The following CPNE4 variants were observed in gnomAD, a reference collection of about 807,000 sequenced individuals.
The protein encoded by CPNE4 is copine-4.
Under a neutral mutation model 67.9 loss-of-function variants are expected in CPNE4, and 25 were observed. The ratio of observed to expected loss-of-function variants is 0.37; its 90% confidence interval spans 0.27 to 0.51. The LOEUF is 0.51. CPNE4 is among the 20% of genes least tolerant of loss of function. The pLI is 0.93. For missense variants in CPNE4, 464 were observed against 690.8 expected (o/e 0.67, Z 3.68); for synonymous variants, 242 against 244.9 (o/e 0.99, Z 0.11).
At chr3:131,659,665 G>A (rs138613866) in intron 7 of CPNE4, among the ~76,000 whole-genome samples, 32 of 152,270 alleles carry the variant, frequency 2.1e-4, no homozygotes, top group Non-Finnish European at 2.5e-4. Flanking sequence ...CAATAAAACA[G>A]TTTGGCCAGG....
intron 2 of CPNE4, among the ~76,000 whole-genome samples, chr3:131,810,447 G>A (rs1017247276): frequency 6.6e-6 from 1 of 151,854 alleles, no homozygotes; most frequent in Non-Finnish European, 1.5e-5. Context: ...ATATAAACAT[G>A]AGGGAAACGC....
At chr3:131,947,333 AG>A (rs1040587837) in intron 1 of CPNE4, among the ~76,000 whole-genome samples, 52 of 152,234 alleles carry the variant, frequency 3.4e-4, no homozygotes, top group African/African-American at 1.2e-3. Flanking sequence ...CCCATCATTT[AG>A]GTTTTAAACC....
chr3:131,736,108 A>G (rs2107769476), intron 2 of CPNE4, among the ~76,000 whole-genome samples: 1 of 152,308 alleles, frequency 6.6e-6, no homozygotes, highest in African/African-American at 2.4e-5. Context: ...AGCTTTGTTC[A>G]GGCATGAGTC....
chr3:131,700,961 G>A (rs940135927), intron 3 of CPNE4, among the ~76,000 whole-genome samples: 2 of 151,852 alleles, frequency 1.3e-5, no homozygotes, highest in Non-Finnish European at 2.9e-5. Flanking sequence ...GGATGAAGCT[G>A]GAAACCATGA....
At chr3:131,681,003 C>G (rs2080738016) in intron 6 of CPNE4, among the ~76,000 whole-genome samples, 1 of 152,130 alleles carries the variant, frequency 6.6e-6, no homozygotes, top group African/African-American at 2.4e-5. Flanking sequence ...TAATTCATTC[C>G]TTTTTATGGC....
chr3:131,587,139 A>G (rs1417717341), intron 8 of CPNE4, among the ~76,000 whole-genome samples: 3 of 152,194 alleles, frequency 2.0e-5, no homozygotes, highest in Non-Finnish European at 4.4e-5. Context: ...TGAGGTAGGT[A>G]CAATTATCAC....
At chr3:132,030,512 C>A (rs950013820) in intron 1 of CPNE4, among the ~76,000 whole-genome samples, 2 of 152,204 alleles carry the variant, frequency 1.3e-5, no homozygotes, top group African/African-American at 4.8e-5. Context: ...ATGGGCTCCC[C>A]TTCCAGCCCT....
At chr3:131,860,456 G>C (rs931658965) in intron 2 of CPNE4, among the ~76,000 whole-genome samples, 5 of 152,162 alleles carry the variant, frequency 3.3e-5, no homozygotes, top group African/African-American at 1.2e-4. Flanking sequence ...AAATAGTTGA[G>C]ACAATGTCTA....
chr3:131,733,696 G>A (rs955015209), intron 2 of CPNE4, among the ~76,000 whole-genome samples: 6 of 152,244 alleles, frequency 3.9e-5, no homozygotes, highest in Admixed American at 6.5e-5. Flanking sequence ...TCAGTTTATA[G>A]AAGCTAGGAG....
Position 132,005,332 on chromosome 3 carries a change from TATATATATATACACACACAC to T in CPNE4, c.-2+29215_-2+29234del, listed in dbSNP as rs1415064816. On this transcript the variant is annotated intron_variant, in intron 1 of 15. Coordinates refer to ENST00000429747, the MANE Select transcript of CPNE4 (RefSeq NM_130808.3). ...ATTTTTACATATATATATATATATA[TATATATATATACACACACAC>T]ACACACACACACACACACACATATA... 1.1e-3 allele frequency among the ~76,000 whole-genome samples: 26 copies of T among 24,080 alleles called. 1 individual carries two copies. Among genetic ancestry groups the T allele is most frequent in the African/African-American group, 4.0e-3 (25 of 6,208 alleles). The allele number at this position is 24,080 out of a possible 152,430, so 15.8% of individuals were successfully genotyped here. A position where few individuals can be genotyped will look rare whatever the true frequency, so the allele number is the denominator to read the frequency against.
At chr3:131,989,935 C>G (rs975616947) in intron 1 of CPNE4, among the ~76,000 whole-genome samples, 2 of 135,700 alleles carry the variant, frequency 1.5e-5, no homozygotes, top group Non-Finnish European at 3.3e-5. Flanking sequence ...CGCATGGGCT[C>G]TGGGAAGCCA....
chr3:131,784,500 A>G (rs1043497793), intron 2 of CPNE4, among the ~76,000 whole-genome samples: 3 of 152,086 alleles, frequency 2.0e-5, no homozygotes, highest in African/African-American at 7.2e-5. Context: ...TGTAGGAGGC[A>G]GCCTGCAAGT....
intron 2 of CPNE4, among the ~76,000 whole-genome samples, chr3:131,900,058 G>A (rs976841365): frequency 6.6e-5 from 10 of 152,042 alleles, no homozygotes; most frequent in African/African-American, 2.4e-4. Context: ...GGTAGGTGGA[G>A]TGGGGAGGGG....
intron 2 of CPNE4, among the ~76,000 whole-genome samples, chr3:131,794,319 C>A (rs1334882671): frequency 1.3e-5 from 2 of 151,614 alleles, no homozygotes; most frequent in Non-Finnish European, 2.9e-5. Flanking sequence ...CTCACTGCAA[C>A]CTGCAACCTC....
rs146134505 is a variant in CPNE4 at position 131,671,502 on chromosome 3, C to T, written c.592-1738G>A. On this transcript the variant is annotated intron_variant, in intron 6 of 15. Transcript: ENST00000429747. Reference sequence around the variant, plus strand: ...GTGTGTGTGTGTACGTGCAGGCTACCCACAAGTGAGCAGTTTTGCCTGGTA... The same window carrying T: ...GTGTGTGTGTGTACGTGCAGGCTACTCACAAGTGAGCAGTTTTGCCTGGTA... Among the ~76,000 whole-genome samples, 1,069 of 150,132 alleles carry T rather than the reference C, an allele frequency of 7.1e-3. 3 individuals are homozygous for T. Among genetic ancestry groups the T allele is most frequent in the Non-Finnish European group, 8.8e-3 (597 of 67,632 alleles).
chr3:131,873,480 G>A (rs942273635), intron 2 of CPNE4, among the ~76,000 whole-genome samples: 1 of 152,142 alleles, frequency 6.6e-6, no homozygotes, highest in Non-Finnish European at 1.5e-5. Flanking sequence ...TTGAGATCAA[G>A]CTCTACCCCA....
chr3:131,723,432 G>A lies in CPNE4; in HGVS notation c.360+14C>T. On this transcript the variant is annotated intron_variant, in intron 3 of 15. Transcript: ENST00000429747. Reference sequence around the variant, plus strand: ...AGGATGGCAAGGAGGAGGAAGGGATGTCTGTTGACCCACCTGGCCAAGTGT... The same window carrying A: ...AGGATGGCAAGGAGGAGGAAGGGATATCTGTTGACCCACCTGGCCAAGTGT... The A allele has an allele frequency of 6.2e-7, 1 of 1,609,822 alleles. No individual in the cohort carries two copies. The highest frequency in any genetic ancestry group is 8.5e-7 in the Non-Finnish European group (1 of 1,177,952).
Position 131,812,501 on chromosome 3 carries a change from C to G in CPNE4, c.181-88876G>C, listed in dbSNP as rs570608870. Among the ~76,000 whole-genome samples the G allele has an allele frequency of 6.6e-5, 10 of 152,306 alleles. No individual in the cohort carries two copies. In the South Asian group the frequency reaches 2.1e-3, roughly 32 times the overall value. On this transcript the variant is annotated intron_variant, in intron 2 of 15. Transcript: ENST00000429747. The stretch of plus-strand genomic sequence containing the variant: ...TTGTCAATTAGCTCAAAGCACACTT[C>G]CCACCTCTTCAAATAAAAACAAAAG...
chr3:131,809,833 G>T (rs2084456115), intron 2 of CPNE4, among the ~76,000 whole-genome samples: 1 of 152,066 alleles, frequency 6.6e-6, no homozygotes, highest in Admixed American at 6.5e-5. Context: ...TTTCTTAAGG[G>T]TCATCAATTA....
Sources: gnomAD v4.1 joint callset for allele counts (sites outside exome capture counted in the v4.1 genomes callset) on GRCh38, gnomAD v4.1.1 for gene constraint, MANE v1.5 for transcripts, NCBI Gene and HGNC (gene_info 2026-07-23, HGNC 2026-07-21) for gene names.